Variants in CDH11 observed in about 807,000 individuals in gnomAD.
The protein encoded by CDH11 is cadherin 11.
Under a neutral mutation model 67.8 loss-of-function variants are expected in CDH11, and 11 were observed. That is an observed-to-expected ratio of 0.16 (90% CI 0.10 to 0.27). The LOEUF (loss-of-function observed/expected upper bound fraction) is 0.27, where lower values mean the gene tolerates loss of function less well. Ranked by LOEUF, CDH11 falls within the 10% of genes least tolerant of loss-of-function variation. CDH11 has a pLI of 1.00. For synonymous variants in CDH11, 419 were observed against 400.0 expected (o/e 1.05, Z -0.57); for missense variants, 847 against 1,031.2 (o/e 0.82, Z 2.45).
intron 1 of CDH11, among the ~76,000 whole-genome samples, chr16:65,077,933 C>G (rs2074542602): frequency 1.3e-5 from 2 of 152,108 alleles, no homozygotes; most frequent in Admixed American, 1.3e-4. Flanking sequence ...GTCTTAACAC[C>G]AGAATTGACT....
chr16:65,016,292 T>C (rs2142563360), intron 2 of CDH11, among the ~76,000 whole-genome samples: 1 of 152,280 alleles, frequency 6.6e-6, no homozygotes, highest in South Asian at 2.1e-4. Flanking sequence ...TCTTTTCAGA[T>C]GTATTAGTGT....
chr16:64,975,957 A>G (rs1174319939), intron 8 of CDH11, among the ~76,000 whole-genome samples: 2 of 152,214 alleles, frequency 1.3e-5, no homozygotes, highest in African/African-American at 4.8e-5. Context: ...AATGCTCAGA[A>G]AGAAAAGACT....
chr16:65,088,995 G>A (rs755732765), intron 1 of CDH11, among the ~76,000 whole-genome samples: 1 of 152,174 alleles, frequency 6.6e-6, no homozygotes, highest in African/African-American at 2.4e-5. Context: ...GAAATGGAAA[G>A]TGCATTTGGG....
chr16:64,967,344 A>G (rs781247572), intron 11 of CDH11, among the ~76,000 whole-genome samples: 6 of 152,026 alleles, frequency 3.9e-5, no homozygotes, highest in Non-Finnish European at 7.4e-5. Context: ...CAGCCTCCCG[A>G]GTAGCTGGGG....
chr16:64,999,814 C>T (rs1434630621), intron 3 of CDH11, among the ~76,000 whole-genome samples: 1 of 152,194 alleles, frequency 6.6e-6, no homozygotes, highest in East Asian at 1.9e-4. Flanking sequence ...GGATTACACA[C>T]ATGAGCCACC....
chr16:65,019,693 G>T (rs2073382809), intron 2 of CDH11, among the ~76,000 whole-genome samples: 1 of 151,948 alleles, frequency 6.6e-6, no homozygotes, highest in African/African-American at 2.4e-5. Flanking sequence ...TCTGACATAT[G>T]GGCCCAGATT....
Position 65,005,163 on chromosome 16 carries a change from G to C in CDH11, c.-172-122C>G, listed in dbSNP as rs564823642. ...CGTGGGAGCTACGGGCTTTGGGGAA[G>C]CTCACTGACTGCTTTGAGCTCAGCT... On this transcript the variant is annotated intron_variant, in intron 2 of 12. Transcript: ENST00000268603. 10 of 843,176 alleles carry C rather than the reference G, an allele frequency of 1.2e-5. No homozygotes were observed. The African/African-American group carries it at 1.8e-4, about 15-fold the overall frequency. 52.2% of individuals were successfully genotyped at this position (843,176 alleles called of 1,614,324 possible).
Position 64,945,394 on chromosome 16 carries a change from C to A in CDH11, c.*2209G>T, listed in dbSNP as rs11864155. The A allele has an allele frequency of 9.7e-7, 1 of 1,030,324 alleles. No homozygotes were observed. The highest frequency in any genetic ancestry group is 1.2e-6 in the Non-Finnish European group (1 of 856,150). The allele number at this position is 1,030,324 out of a possible 1,614,324, so 63.8% of individuals were successfully genotyped here. The stretch of plus-strand genomic sequence containing the variant: ...TAAAAAAGACTTCAACATAAAAATG[C>A]GAAAATGTAGTTGTCATCTCTAATC... On this transcript the variant is annotated 3_prime_UTR_variant, in exon 13 of 13. Coordinates refer to ENST00000268603, the MANE Select transcript of CDH11 (RefSeq NM_001797.4).
intron 1 of CDH11, among the ~76,000 whole-genome samples, chr16:65,090,672 T>A (rs550260224): frequency 6.6e-6 from 1 of 152,252 alleles, no homozygotes; most frequent in South Asian, 2.1e-4. Flanking sequence ...AACTCACATA[T>A]GCTTTCTATT....
chr16:65,098,746 TTAAGA>T (rs2074941248), intron 1 of CDH11, among the ~76,000 whole-genome samples: 1 of 152,144 alleles, frequency 6.6e-6, no homozygotes, highest in African/African-American at 2.4e-5. Flanking sequence ...TGCCTATTAC[TTAAGA>T]TAAGAAATTG....
At chr16:65,112,644 A>G (rs1336848855) in intron 1 of CDH11, among the ~76,000 whole-genome samples, 1 of 152,204 alleles carries the variant, frequency 6.6e-6, no homozygotes, top group Non-Finnish European at 1.5e-5. Context: ...AAACCCTGCC[A>G]AAGTGTCCTC....
chr16:65,013,781 C>T (rs1047183166), intron 2 of CDH11, among the ~76,000 whole-genome samples: 9 of 151,306 alleles, frequency 5.9e-5, no homozygotes, highest in Non-Finnish European at 5.9e-5. Flanking sequence ...GAGCTAAGAT[C>T]GCACCACTGC....
intron 7 of CDH11, chr16:64,986,472 G>A (rs1014910910): frequency 6.6e-6 from 1 of 151,978 alleles, no homozygotes; most frequent in African/African-American, 2.4e-5. Context: ...CTAAAAACAG[G>A]TGACAACCTT....
At chr16:65,007,311 G>T (rs2073079513) in intron 2 of CDH11, among the ~76,000 whole-genome samples, 1 of 152,144 alleles carries the variant, frequency 6.6e-6, no homozygotes, top group Admixed American at 6.5e-5. Flanking sequence ...TATTATGTTA[G>T]TCTTTATTCA....
At position 65,101,419 on chromosome 16, in the gene CDH11, G is replaced by A. The variant is rs1045777299; in HGVS notation, c.-298+20461C>T. On this transcript the variant is annotated intron_variant, in intron 1 of 12. Transcript: ENST00000268603. ...TCAACATTAGGGGACCCCACTCCCAGGACAATTGTGGGGATTCCAGGTCAT... is the reference window on the plus strand; with the variant it reads ...TCAACATTAGGGGACCCCACTCCCAAGACAATTGTGGGGATTCCAGGTCAT... 2.0e-5 allele frequency among the ~76,000 whole-genome samples: 3 copies of A among 152,318 alleles called. No individual in the cohort carries two copies. In the South Asian group the frequency reaches 6.2e-4, roughly 32 times the overall value.
chr16:65,087,932 C>A (rs943786842), intron 1 of CDH11, among the ~76,000 whole-genome samples: 2 of 151,982 alleles, frequency 1.3e-5, no homozygotes, highest in Non-Finnish European at 2.9e-5. Context: ...TGTAGAGGTG[C>A]AAAATAAATT....
chr16:65,123,411 A>G (rs554740104), upstream of CDH11, among the ~76,000 whole-genome samples: 1 of 152,064 alleles, frequency 6.6e-6, no homozygotes, highest in African/African-American at 2.4e-5. Context: ...GCCACAGCCA[A>G]GCAGTTTGAA....
intron 1 of CDH11, among the ~76,000 whole-genome samples, chr16:65,115,416 T>C (rs969868920): frequency 2.0e-5 from 3 of 152,140 alleles, no homozygotes; most frequent in African/African-American, 7.2e-5. Flanking sequence ...GGCCTTATAA[T>C]GGATAAGAAA....
intron 2 of CDH11, among the ~76,000 whole-genome samples, chr16:65,032,097 A>G (rs1462151696): frequency 6.6e-6 from 1 of 152,154 alleles, no homozygotes; most frequent in East Asian, 1.9e-4. Flanking sequence ...GGAAAATATC[A>G]TATTGCAAAC....
Sources: gnomAD v4.1 joint callset for allele counts (sites outside exome capture counted in the v4.1 genomes callset) on GRCh38, gnomAD v4.1.1 for gene constraint, MANE v1.5 for transcripts, NCBI Gene and HGNC (gene_info 2026-07-23, HGNC 2026-07-21) for gene names.